The following SAMD4A variants were observed in gnomAD, a reference collection of about 807,000 sequenced individuals.
The protein encoded by SAMD4A is sterile alpha motif domain containing 4A.
Under a neutral mutation model 81.3 loss-of-function variants are expected in SAMD4A, and 33 were observed. The ratio of observed to expected loss-of-function variants is 0.41; its 90% CI spans 0.31 to 0.54. SAMD4A has a LOEUF of 0.54. Ranked by LOEUF, SAMD4A falls within the 20% of genes least tolerant of loss-of-function variation. The pLI, the probability that SAMD4A is intolerant of heterozygous loss-of-function variation, is 0.37. For synonymous variants in SAMD4A, 389 were observed against 382.1 expected (o/e 1.02, Z -0.21); for missense variants, 854 against 951.1 (o/e 0.90, Z 1.34).
chr14:54,596,311 G>A (rs1018956819), intron 2 of SAMD4A, among the ~76,000 whole-genome samples: 10 of 152,162 alleles, frequency 6.6e-5, no homozygotes, highest in East Asian at 1.9e-4. Context: ...GGGGCCGGGC[G>A]CAGTGGCTCA....
chr14:54,731,341 A>G (rs1298481434), intron 3 of SAMD4A, among the ~76,000 whole-genome samples: 1 of 152,228 alleles, frequency 6.6e-6, no homozygotes, highest in Non-Finnish European at 1.5e-5. Context: ...TTGGGGAATG[A>G]GCCTAGAAAA....
At chr14:54,771,981 C>G (rs1320744583) in intron 9 of SAMD4A, among the ~76,000 whole-genome samples, 1 of 152,136 alleles carries the variant, frequency 6.6e-6, no homozygotes, top group African/African-American at 2.4e-5. Context: ...CTAATGGACC[C>G]CTTTTAATTG....
At chr14:54,702,025 G>A (rs1310801026) in intron 2 of SAMD4A, 37 bp from the exon 3 acceptor site, 4 of 1,600,552 alleles carry the variant, frequency 2.5e-6, no homozygotes, top group Non-Finnish European at 1.7e-6. Flanking sequence ...CACTGTGGGT[G>A]TATTTGCTTA....
chr14:54,686,204 G>A (rs1048020019), intron 2 of SAMD4A, among the ~76,000 whole-genome samples: 12 of 152,172 alleles, frequency 7.9e-5, no homozygotes, highest in African/African-American at 2.9e-4. Flanking sequence ...GGTGAGGATG[G>A]GGAGTGCTGG....
intron 2 of SAMD4A, among the ~76,000 whole-genome samples, chr14:54,588,671 T>C (rs545621746): frequency 1.1e-4 from 16 of 152,314 alleles, no homozygotes; most frequent in Admixed American, 5.2e-4. Flanking sequence ...GTCATTATTT[T>C]CAGATACATT....
chr14:54,765,505 C>A (rs2038515041), intron 8 of SAMD4A, among the ~76,000 whole-genome samples: 1 of 150,662 alleles, frequency 6.6e-6, no homozygotes, highest in African/African-American at 2.4e-5. Flanking sequence ...CACCTGTAAT[C>A]CCAGCTACTC....
intron 9 of SAMD4A, among the ~76,000 whole-genome samples, chr14:54,772,443 G>T (rs777990319): frequency 3.3e-5 from 5 of 152,218 alleles, no homozygotes; most frequent in Admixed American, 6.5e-5. Context: ...GTCCCATCAG[G>T]AGAGAGAAAG....
At chr14:54,621,585 C>T (rs1167437062) in intron 2 of SAMD4A, among the ~76,000 whole-genome samples, 2 of 151,326 alleles carry the variant, frequency 1.3e-5, no homozygotes, top group African/African-American at 4.9e-5. Flanking sequence ...TAGTCTCGAA[C>T]TTCTGGGCTC....
intron 2 of SAMD4A, among the ~76,000 whole-genome samples, chr14:54,688,931 C>CTT (rs71127666): frequency 3.3e-4 from 38 of 116,084 alleles, no homozygotes; most frequent in African/African-American, 6.9e-4. Context: ...AGTCGTAATT[C>CTT]TTTTTTTTTT....
At chr14:54,746,681 A>G (rs990428498) in intron 4 of SAMD4A, among the ~76,000 whole-genome samples, 2 of 152,136 alleles carry the variant, frequency 1.3e-5, no homozygotes, top group Non-Finnish European at 1.5e-5. Flanking sequence ...TTCATCATCA[A>G]TGGATTTTGC....
intron 3 of SAMD4A, among the ~76,000 whole-genome samples, chr14:54,725,960 AC>A (rs2037405785): frequency 6.6e-6 from 1 of 152,202 alleles, no homozygotes. Flanking sequence ...CCTTGAATGT[AC>A]ATACAAATCT....
At chr14:54,670,365 C>A (rs1326203270) in intron 2 of SAMD4A, among the ~76,000 whole-genome samples, 2 of 152,176 alleles carry the variant, frequency 1.3e-5, no homozygotes, top group African/African-American at 4.8e-5. Flanking sequence ...ACCACGAAAT[C>A]CAGGAAGCCA....
intron 2 of SAMD4A, among the ~76,000 whole-genome samples, chr14:54,590,313 A>C (rs1365675686): frequency 2.0e-5 from 3 of 152,010 alleles, no homozygotes; most frequent in Admixed American, 6.6e-5. Context: ...AAATCGTGAG[A>C]CTTCATCTCT....
chr14:54,780,907 C>T (rs1006196285), intron 11 of SAMD4A, among the ~76,000 whole-genome samples: 13 of 152,084 alleles, frequency 8.5e-5, no homozygotes, highest in African/African-American at 3.1e-4. Flanking sequence ...AGCTTGCCTG[C>T]TGCCCCACCC....
chr14:54,573,210 ACTCTT>A (rs2033184767), intron 2 of SAMD4A, among the ~76,000 whole-genome samples: 3 of 152,086 alleles, frequency 2.0e-5, no homozygotes, highest in Admixed American at 6.5e-5. Context: ...ATATATTTGT[ACTCTT>A]TGTTGTGAAT....
chr14:54,779,792 G>C (rs1469143195), intron 11 of SAMD4A, among the ~76,000 whole-genome samples: 6 of 150,888 alleles, frequency 4.0e-5, no homozygotes, highest in African/African-American at 1.5e-4. Context: ...AGTTTTAGCT[G>C]TTTCCTGGGA....
chr14:54,695,017 C>T (rs2036542110), intron 2 of SAMD4A: 1 of 614,888 alleles, frequency 1.6e-6, no homozygotes, highest in South Asian at 7.2e-5. Context: ...TGACCAGCAC[C>T]TGATGACCTT....
rs1257864514 is a variant in SAMD4A at position 54,775,051 on chromosome 14, G to A, written c.1833G>A (p.Leu611=). Residue 611 remains leucine (L), a synonymous_variant, in exon 10 of 13, where the codon CTG becomes CTA. Transcript: ENST00000554335. ...CTCGGAACGTCCCTTCCGCCCGCCT[G>A]GGCCTCTTGGGCACCAGTGGATTCG... ...IPSRNVPSAR[L]GLLGTSGFVS... 1 of 1,614,048 alleles carries A rather than the reference G, an allele frequency of 6.2e-7. No homozygotes were observed. Among genetic ancestry groups the A allele is most frequent in the East Asian group, 2.2e-5 (1 of 44,884 alleles).
At chr14:54,685,944 A>G (rs1285181306) in intron 2 of SAMD4A, 9 of 446,168 alleles carry the variant, frequency 2.0e-5, no homozygotes, top group Non-Finnish European at 2.7e-5. Flanking sequence ...TTGCTAAACT[A>G]TCTCTGGCCT....
Sources: allele counts gnomAD v4.1 joint callset (sites outside exome capture counted in the v4.1 genomes callset), GRCh38; gene constraint gnomAD v4.1.1; transcripts MANE v1.5; gene names NCBI Gene and HGNC (gene_info 2026-07-23, HGNC 2026-07-21).